PPFIBP1: variants seen among roughly 807,000 people sequenced by gnomAD.
The protein encoded by PPFIBP1 is liprin-beta-1.
PPFIBP1 carries 112 observed loss-of-function variants against 137.8 expected under a neutral mutation model. The ratio of observed to expected loss-of-function variants is 0.81; its 90% CI spans 0.70 to 0.95. The LOEUF (loss-of-function observed/expected upper bound fraction) is 0.95. Ranked by LOEUF, PPFIBP1 falls within the 40% of genes least tolerant of loss-of-function variation. The pLI, the probability that PPFIBP1 is intolerant of heterozygous loss-of-function variation, is 0.00. For synonymous variants in PPFIBP1, 378 were observed against 417.3 expected (o/e 0.91, Z 1.15); for missense variants, 1,083 against 1,196.6 (o/e 0.91, Z 1.40).
In PPFIBP1 at chr12:27,682,647, A is replaced by AAG; in HGVS notation, c.2193_2194dup (p.Thr732ArgfsTer17). The AAG allele has an allele frequency of 6.2e-7, 1 of 1,614,156 alleles. No individual in the cohort carries two copies. The highest frequency in any genetic ancestry group is 8.5e-7 in the Non-Finnish European group (1 of 1,180,018). On this transcript the variant is annotated frameshift_variant, in exon 24 of 30. Transcript: ENST00000228425. LOFTEE classifies it high-confidence loss of function. ...GGATGACATTGGCCTCCCTCAATAT[A>AAG]AGACCCAGTTTGATGAAGGACGGGT... is the stretch of plus-strand genomic sequence containing the variant.
At chr12:27,605,010 C>G (rs1365359780) in intron 2 of PPFIBP1, among the ~76,000 whole-genome samples, 1 of 152,038 alleles carries the variant, frequency 6.6e-6, no homozygotes, top group East Asian at 1.9e-4. Context: ...GGGAAAGACC[C>G]CCTCCATGAT....
chr12:27,607,796 C>T (rs1383912210), intron 2 of PPFIBP1, among the ~76,000 whole-genome samples: 1 of 152,172 alleles, frequency 6.6e-6, no homozygotes, highest in African/African-American at 2.4e-5. Flanking sequence ...GGCTATGTTC[C>T]TCCCCGCTTT....
chr12:27,639,762 A>C (rs1267215433), intron 4 of PPFIBP1, among the ~76,000 whole-genome samples: 1 of 152,252 alleles, frequency 6.6e-6, no homozygotes, highest in Non-Finnish European at 1.5e-5. Context: ...GTGAGATAAT[A>C]TTAATCCCAA....
chr12:27,691,762 C>G lies in PPFIBP1; in HGVS notation c.2699C>G (p.Ala900Gly). ...TTTCTTTTAAAGCCAAAGAAACTTGCCTTTAGCAATTTTGGGAATTTGAGA... is the reference window on the plus strand; with the variant it reads ...TTTCTTTTAAAGCCAAAGAAACTTGGCTTTAGCAATTTTGGGAATTTGAGA... Reference protein sequence around the residue: ...ATAKVKPKKLAFSNFGNLRKK... With the variant: ...ATAKVKPKKLGFSNFGNLRKK... The change falls in exon 28 of 30, where the codon GCC becomes GGC. Residue 900 changes from alanine (A) to glycine (G), a missense_variant. By Grantham distance (60) the Ala-to-Gly change is moderately conservative (BLOSUM62 0). Coordinates refer to ENST00000228425, the MANE Select transcript of PPFIBP1 (RefSeq NM_003622.4). 1 of 1,607,714 alleles carries G rather than the reference C, an allele frequency of 6.2e-7. No individual in the cohort carries two copies.
intron 9 of PPFIBP1, among the ~76,000 whole-genome samples, chr12:27,657,705 C>T (rs1434737403): frequency 6.6e-6 from 1 of 151,992 alleles, no homozygotes; most frequent in African/African-American, 2.4e-5. Flanking sequence ...TTCTCACCAC[C>T]AACCGCTTCA....
chr12:27,685,300 C>T (rs2061138721), intron 24 of PPFIBP1, among the ~76,000 whole-genome samples: 1 of 151,540 alleles, frequency 6.6e-6, no homozygotes. Flanking sequence ...CACACACACA[C>T]TCTGTGTATC....
chr12:27,636,632 G>A (rs1431827019), intron 4 of PPFIBP1: 3 of 152,098 alleles, frequency 2.0e-5, no homozygotes, highest in East Asian at 1.9e-4. Flanking sequence ...TTCTGTGAAA[G>A]TATTTTCAGA....
At chr12:27,610,617 A>G (rs2054999283) in intron 2 of PPFIBP1, among the ~76,000 whole-genome samples, 1 of 152,244 alleles carries the variant, frequency 6.6e-6, no homozygotes, top group Admixed American at 6.5e-5. Flanking sequence ...CTTGCTGAGC[A>G]TGAATCATCC....
chr12:27,688,066 A>C (rs1447522319), intron 25 of PPFIBP1: 3 of 425,754 alleles, frequency 7.0e-6, no homozygotes, highest in East Asian at 9.0e-5. Context: ...CAGCGTGGGT[A>C]AGAGAATTAG....
intron 8 of PPFIBP1, 88 bp from the exon 9 acceptor site, chr12:27,656,528 T>A (rs903195045): frequency 1.2e-5 from 10 of 809,100 alleles, no homozygotes; most frequent in Non-Finnish European, 2.1e-5. Flanking sequence ...TCATAAAACC[T>A]GATTATTGAT....
At chr12:27,524,884 G>A (rs2254279) in intron 1 of PPFIBP1, among the ~76,000 whole-genome samples, 20,148 of 152,144 alleles carry the variant, frequency 0.13, 2,018 homozygotes, top group East Asian at 0.33. Flanking sequence ...CAGGATGTGA[G>A]AAATTCACTT....
intron 1 of PPFIBP1, among the ~76,000 whole-genome samples, chr12:27,542,889 C>G (rs1448751648): frequency 6.6e-6 from 1 of 152,134 alleles, no homozygotes; most frequent in East Asian, 1.9e-4. Flanking sequence ...TAACCCTTCT[C>G]TTACACATAG....
At chr12:27,577,486 T>C (rs1231792678) in intron 1 of PPFIBP1, among the ~76,000 whole-genome samples, 1 of 152,206 alleles carries the variant, frequency 6.6e-6, no homozygotes, top group Non-Finnish European at 1.5e-5. Context: ...ATGCAGTTAG[T>C]TCTGAAGTAT....
chr12:27,649,252 C>T (rs1472494597), intron 6 of PPFIBP1, among the ~76,000 whole-genome samples: 1 of 152,044 alleles, frequency 6.6e-6, no homozygotes, highest in African/African-American at 2.4e-5. Context: ...TTTCTTTTTC[C>T]CTGTATGACA....
chr12:27,657,918 G>T (rs1011770363), intron 9 of PPFIBP1, among the ~76,000 whole-genome samples: 3 of 151,782 alleles, frequency 2.0e-5, no homozygotes, highest in African/African-American at 7.3e-5. Context: ...GACCAGCCTG[G>T]GCAACACAAT....
At chr12:27,577,124 C>T (rs1324061645) in intron 1 of PPFIBP1, among the ~76,000 whole-genome samples, 3 of 151,902 alleles carry the variant, frequency 2.0e-5, no homozygotes, top group Admixed American at 1.3e-4. Flanking sequence ...AGAAATTCCA[C>T]GATGAAAATC....
intron 24 of PPFIBP1, 77 bp from the exon 25 acceptor site, chr12:27,687,308 G>A (rs2061261776): frequency 1.3e-6 from 2 of 1,523,596 alleles, no homozygotes; most frequent in Non-Finnish European, 1.8e-6. Flanking sequence ...TTTTACTCCA[G>A]TTTTCTGAGA....
chr12:27,583,649 A>T (rs543138378), intron 2 of PPFIBP1, among the ~76,000 whole-genome samples: 1 of 152,196 alleles, frequency 6.6e-6, no homozygotes, highest in Non-Finnish European at 1.5e-5. Flanking sequence ...AGCAGACCTT[A>T]AAGTATTAGA....
At chr12:27,598,368 A>C (rs1029205961) in intron 2 of PPFIBP1, among the ~76,000 whole-genome samples, 5 of 152,064 alleles carry the variant, frequency 3.3e-5, no homozygotes, top group Non-Finnish European at 7.4e-5. Flanking sequence ...AAACCATCAG[A>C]TCTCATGAGA....
Sources: gnomAD v4.1 joint callset for allele counts (sites outside exome capture counted in the v4.1 genomes callset) on GRCh38, gnomAD v4.1.1 for gene constraint, MANE v1.5 for transcripts, NCBI Gene and HGNC (gene_info 2026-07-23, HGNC 2026-07-21) for gene names.